ZFP1: variants seen among roughly 807,000 people sequenced by gnomAD.
ZFP1 encodes the protein ZFP1 zinc finger protein, also known as zinc finger protein 1 homolog.
A neutral mutation model predicts 38.5 loss-of-function variants in ZFP1; 32 were observed. The observed-to-expected ratio is 0.83, with a 90% CI of 0.63 to 1.12. The LOEUF (loss-of-function observed/expected upper bound fraction) is 1.12. ZFP1 is among the 50% of genes most tolerant of loss of function. The pLI is 0.00. For missense variants in ZFP1, 616 were observed against 480.8 expected (o/e 1.28, Z -2.63); for synonymous variants, 245 against 168.8 (o/e 1.45, Z -3.50).
At chr16:75,161,688 A>G (rs796295581) in intron 2 of ZFP1, among the ~76,000 whole-genome samples, 1 of 140,494 alleles carries the variant, frequency 7.1e-6, no homozygotes, top group Non-Finnish European at 1.5e-5. Context: ...TTTTTCTTCC[A>G]TTATGCATGG....
chr16:75,119,283 C>G, the ZFP1 span, among the ~76,000 whole-genome samples: 3 of 152,206 alleles, frequency 2.0e-5, no homozygotes, highest in Admixed American at 1.3e-4. Flanking sequence ...CTTGAGCTAT[C>G]TTTATGGCTC....
chr16:75,128,825 G>T, the ZFP1 span, among the ~76,000 whole-genome samples: 1 of 152,124 alleles, frequency 6.6e-6, no homozygotes, highest in Non-Finnish European at 1.5e-5. Flanking sequence ...TTTGCTCTTT[G>T]TGTTGCCCAG....
intron 3 of ZFP1, among the ~76,000 whole-genome samples, chr16:75,168,829 G>A (rs1400576625): frequency 6.6e-6 from 1 of 152,100 alleles, no homozygotes; most frequent in Admixed American, 6.6e-5. Context: ...AATACTATTA[G>A]TCGAGATCTG....
the ZFP1 span, among the ~76,000 whole-genome samples, chr16:75,134,583 T>C: frequency 6.7e-6 from 1 of 149,642 alleles, no homozygotes; most frequent in Non-Finnish European, 1.5e-5. Flanking sequence ...AAACCCCGTC[T>C]CTACTAAAAA....
chr16:75,132,195 C>T, the ZFP1 span, among the ~76,000 whole-genome samples: 1,596 of 152,088 alleles, frequency 0.01, 17 homozygotes, highest in African/African-American at 0.037. Context: ...TGAGACCAGC[C>T]TGGGCAACAT....
chr16:75,157,886 C>T (rs2037547713), intron 2 of ZFP1, among the ~76,000 whole-genome samples: 1 of 152,018 alleles, frequency 6.6e-6, no homozygotes, highest in African/African-American at 2.4e-5. Flanking sequence ...GTCTTTGCCT[C>T]CTGAGTTCAA....
upstream of ZFP1, among the ~76,000 whole-genome samples, chr16:75,146,659 C>G (rs571480244): frequency 2.6e-5 from 4 of 152,218 alleles, no homozygotes; most frequent in African/African-American, 4.8e-5. Flanking sequence ...CGAACTGAGG[C>G]TGGGCACAGT....
the ZFP1 span, among the ~76,000 whole-genome samples, chr16:75,140,825 G>A: frequency 6.6e-6 from 1 of 152,122 alleles, no homozygotes; most frequent in African/African-American, 2.4e-5. Context: ...CGGGCGTGGT[G>A]TTGGGCGCCT....
the ZFP1 span, among the ~76,000 whole-genome samples, chr16:75,129,054 T>A: frequency 6.6e-6 from 1 of 152,128 alleles, no homozygotes; most frequent in East Asian, 1.9e-4. Context: ...CCTCCCAAAG[T>A]GCTGGGATTA....
chr16:75,152,149 C>T (rs1220978704), intron 1 of ZFP1, among the ~76,000 whole-genome samples: 2 of 152,016 alleles, frequency 1.3e-5, no homozygotes, highest in Admixed American at 6.6e-5. Flanking sequence ...CTTTGGTTTT[C>T]ATTTGTTTGG....
the ZFP1 span, among the ~76,000 whole-genome samples, chr16:75,142,550 C>G: frequency 6.6e-6 from 1 of 152,084 alleles, no homozygotes; most frequent in Admixed American, 6.6e-5. Context: ...GTCTCTAGCA[C>G]CAGTGAGCTT....
At chr16:75,149,557 C>CTTTTTTTTTTTTTTTTTTT (rs34371791) in intron 1 of ZFP1, among the ~76,000 whole-genome samples, 1 of 101,792 alleles carries the variant, frequency 9.8e-6, no homozygotes, top group African/African-American at 3.8e-5. Context: ...TCTTTACTTT[C>CTTTTTTTTTTTTTTTTTTT]TTTTTTTTTT....
At chr16:75,129,245 C>A in the ZFP1 span, among the ~76,000 whole-genome samples, 1 of 152,152 alleles carries the variant, frequency 6.6e-6, no homozygotes, top group African/African-American at 2.4e-5. Flanking sequence ...TAAAAATGAG[C>A]TTTCCTAGCA....
chr16:75,128,876 C>T, the ZFP1 span, among the ~76,000 whole-genome samples: 10 of 152,218 alleles, frequency 6.6e-5, no homozygotes, highest in Non-Finnish European at 8.8e-5. Flanking sequence ...TTGCAACCTC[C>T]GCCTCCGGGG....
chr16:75,134,555 G>C, the ZFP1 span, among the ~76,000 whole-genome samples: 3 of 148,712 alleles, frequency 2.0e-5, no homozygotes, highest in Non-Finnish European at 3.0e-5. Context: ...AGGAGATCGA[G>C]ACCTGGCTAA....
chr16:75,162,063 G>A (rs1036064567), intron 2 of ZFP1, among the ~76,000 whole-genome samples: 5 of 151,510 alleles, frequency 3.3e-5, no homozygotes, highest in Non-Finnish European at 1.5e-5. Flanking sequence ...GGGATCACAG[G>A]CGTGAACCAC....
At chr16:75,132,190 C>T in the ZFP1 span, among the ~76,000 whole-genome samples, 23 of 152,096 alleles carry the variant, frequency 1.5e-4, no homozygotes, top group South Asian at 2.1e-4. Context: ...AAGTTTGAGA[C>T]CAGCCTGGGC....
At chr16:75,153,231 AAAC>A (rs1312736122) in intron 2 of ZFP1, among the ~76,000 whole-genome samples, 8 of 152,218 alleles carry the variant, frequency 5.3e-5, no homozygotes, top group Non-Finnish European at 8.8e-5. Flanking sequence ...GCACCCCCAG[AAAC>A]AACCAACTTT....
chr16:75,166,723 T>C, intron 2 of ZFP1, 47 bp from the exon 3 acceptor site: 3 of 1,613,726 alleles, frequency 1.9e-6, no homozygotes, highest in Non-Finnish European at 2.5e-6. Flanking sequence ...ATCCTTTCTA[T>C]ATCACCAAAT....
Sources: gnomAD v4.1 joint callset for allele counts (sites outside exome capture counted in the v4.1 genomes callset) on GRCh38, gnomAD v4.1.1 for gene constraint, MANE v1.5 for transcripts, NCBI Gene and HGNC (gene_info 2026-07-23, HGNC 2026-07-21) for gene names.